Variants in NBEAL1 observed in about 807,000 individuals in gnomAD.
The protein encoded by NBEAL1 is neurobeachin-like protein 1.
Under a neutral mutation model 351.3 loss-of-function variants are expected in NBEAL1, and 273 were observed. That is an observed-to-expected ratio of 0.78 (90% CI 0.70 to 0.86). The LOEUF is 0.86. Among genes scored for constraint, NBEAL1 ranks in the 40% least tolerant of loss-of-function variants. NBEAL1 has a pLI of 0.00. For synonymous variants in NBEAL1, 1,050 were observed against 1,086.4 expected, an observed-to-expected ratio of 0.97 and a Z score of 0.66; for missense variants, 2,961 against 3,201.3, an observed-to-expected ratio of 0.92 and a Z score of 1.81.
intron 46 of NBEAL1, among the ~76,000 whole-genome samples, chr2:203,192,152 A>G (rs532122838): frequency 2.0e-5 from 3 of 152,292 alleles, no homozygotes; most frequent in South Asian, 4.1e-4. Context: ...CAGAATAGTC[A>G]TATGTGAAGT....
Position 203,079,966 on chromosome 2 carries a change from G to A in NBEAL1, c.684+2129G>A, listed in dbSNP as rs2061844204. ...TAATGTATTTATCATTTCTTAGTCT[G>A]TTTGGAGATTTGAGAGAGTGTAATC... On this transcript the variant is annotated intron_variant, in intron 8 of 55. Coordinates refer to ENST00000683969, the MANE Select transcript of NBEAL1 (RefSeq NM_001378026.1). 2.6e-5 allele frequency among the ~76,000 whole-genome samples: 4 copies of A among 152,238 alleles called. No homozygotes were observed. The South Asian group carries it at 8.3e-4, about 32-fold the overall frequency.
In NBEAL1 at chr2:203,173,041, C is replaced by T. The variant is rs1481178833; in HGVS notation, c.6323+188C>T. ...TTGCCTTTCAGAAATCTTGACTATACTTGTGTTGATTTCCCTTCATCACCA... is the reference window on the plus strand; with the variant it reads ...TTGCCTTTCAGAAATCTTGACTATATTTGTGTTGATTTCCCTTCATCACCA... On this transcript the variant is annotated intron_variant, in intron 41 of 55. Coordinates refer to ENST00000683969, the MANE Select transcript of NBEAL1 (RefSeq NM_001378026.1). 2.6e-5 allele frequency among the ~76,000 whole-genome samples: 4 copies of T among 152,054 alleles called. No homozygotes were observed. The East Asian group carries it at 7.7e-4, about 29-fold the overall frequency.
intron 6 of NBEAL1, among the ~76,000 whole-genome samples, chr2:203,067,537 G>A (rs923291383): frequency 1.3e-5 from 2 of 152,190 alleles, no homozygotes; most frequent in Non-Finnish European, 2.9e-5. Flanking sequence ...AATTTCAATA[G>A]CTCAATTATG....
At chr2:203,163,279 TAGAATACAC>T (rs1432569084) in intron 36 of NBEAL1, among the ~76,000 whole-genome samples, 1 of 152,240 alleles carries the variant, frequency 6.6e-6, no homozygotes, top group East Asian at 1.9e-4. Context: ...TAGTCAAGCC[TAGAATACAC>T]AGAAAGTGCT....
At chr2:203,051,745 T>A (rs1432599802) in intron 4 of NBEAL1, among the ~76,000 whole-genome samples, 1 of 152,162 alleles carries the variant, frequency 6.6e-6, no homozygotes, top group Non-Finnish European at 1.5e-5. Context: ...ACAAATTTTT[T>A]GGTTGAAAAA....
chr2:203,068,741 T>C (rs2061634176), intron 7 of NBEAL1, among the ~76,000 whole-genome samples: 1 of 152,214 alleles, frequency 6.6e-6, no homozygotes, highest in African/African-American at 2.4e-5. Context: ...TTATTTACTT[T>C]TTTTTGAGAC....
At chr2:203,050,164 A>T in intron 4 of NBEAL1, 189 bp downstream of exon 4, 1 of 493,436 alleles carries the variant, frequency 2.0e-6, no homozygotes, top group Non-Finnish European at 3.6e-6. Flanking sequence ...CCACTATGGC[A>T]TGTGTATACC....
chr2:203,132,195 A>T, intron 26 of NBEAL1, 63 bp downstream of exon 26: 1 of 1,069,098 alleles, frequency 9.4e-7, no homozygotes, highest in Non-Finnish European at 1.3e-6. Flanking sequence ...AGTTTTTTTC[A>T]TACCTTTCTC....
rs148816687 is a variant in NBEAL1 at position 203,055,848 on chromosome 2, T to G, written c.306-579T>G. 4.9e-4 allele frequency among the ~76,000 whole-genome samples: 74 copies of G among 152,332 alleles called. No individual in the cohort carries two copies. The East Asian group carries it at 0.013, about 27-fold the overall frequency. ...ATTTTAGTTAAACACTAAGCACTTA[T>G]GAACCCACTGCTTTAAACAAAATAT... is the stretch of plus-strand genomic sequence containing the variant. On this transcript the variant is annotated intron_variant, in intron 4 of 55. Transcript: ENST00000683969.
At chr2:203,217,174 C>T in intron 55 of NBEAL1, 79 bp from the exon 56 acceptor site, 5 of 1,077,138 alleles carry the variant, frequency 4.6e-6, no homozygotes, top group Non-Finnish European at 6.2e-6. Flanking sequence ...TTTCACTCTG[C>T]AAAATCAGTG....
chr2:203,016,150 T>A lies in NBEAL1; in HGVS notation c.-229-6T>A, dbSNP rs1303202375. The A allele has an allele frequency of 2.8e-6, 1 of 354,178 alleles. No individual in the cohort carries two copies. Among genetic ancestry groups the A allele is most frequent in the East Asian group, 4.2e-5 (1 of 23,922 alleles). The allele number at this position is 354,178 out of a possible 1,614,324, so 21.9% of individuals were successfully genotyped here. A position where few individuals can be genotyped will look rare whatever the true frequency, so the allele number is the denominator to read the frequency against. On this transcript the variant is annotated splice_region_variant and splice_polypyrimidine_tract_variant and intron_variant, in intron 1 of 55. Transcript: ENST00000683969. ...TCTAACCTGTGGATGTTTTTCTCTTTCACAGATTTATTTAATTGCCCAACT... is the reference window on the plus strand; with the variant it reads ...TCTAACCTGTGGATGTTTTTCTCTTACACAGATTTATTTAATTGCCCAACT...
chr2:203,165,284 A>G lies in NBEAL1; in HGVS notation c.5715-865A>G, dbSNP rs994262232. Among the ~76,000 whole-genome samples, 5 of 152,352 alleles carry G rather than the reference A, an allele frequency of 3.3e-5. No homozygotes were observed. In the East Asian group the frequency reaches 9.6e-4, roughly 29 times the overall value. The stretch of plus-strand genomic sequence containing the variant: ...CCTAATATATGGTGACTTCACTTTA[A>G]GTAAGGTATGGCAATAGTAGCTCTT... On this transcript the variant is annotated intron_variant, in intron 36 of 55. Transcript: ENST00000683969.
At chr2:203,081,711 A>G (rs1460157386) in intron 8 of NBEAL1, among the ~76,000 whole-genome samples, 1 of 152,248 alleles carries the variant, frequency 6.6e-6, no homozygotes, top group Non-Finnish European at 1.5e-5. Flanking sequence ...GCTGCAAGAT[A>G]GCTTCTAGAG....
intron 47 of NBEAL1, among the ~76,000 whole-genome samples, chr2:203,196,217 C>T (rs1372733193): frequency 6.6e-6 from 1 of 152,136 alleles, no homozygotes; most frequent in African/African-American, 2.4e-5. Flanking sequence ...TAGTACATTC[C>T]AAGTTCCATC....
chr2:203,119,709 A>T (rs988152249), intron 18 of NBEAL1, among the ~76,000 whole-genome samples: 1 of 152,058 alleles, frequency 6.6e-6, no homozygotes, highest in Admixed American at 6.6e-5. Context: ...TACAGGTGTG[A>T]GCCACCGTGC....
At chr2:203,057,930 G>A (rs1177960545) in intron 6 of NBEAL1, among the ~76,000 whole-genome samples, 6 of 149,830 alleles carry the variant, frequency 4.0e-5, no homozygotes, top group Non-Finnish European at 7.4e-5. Context: ...TGCAACCTTC[G>A]CCTCCCAGGT....
chr2:203,098,768 T>G (rs1237730955), intron 11 of NBEAL1, among the ~76,000 whole-genome samples: 1 of 152,190 alleles, frequency 6.6e-6, no homozygotes, highest in Non-Finnish European at 1.5e-5. Flanking sequence ...TATTTCATTT[T>G]CTGTGTCTGC....
intron 6 of NBEAL1, chr2:203,061,307 A>G (rs371272640): frequency 9.2e-5 from 14 of 152,216 alleles, no homozygotes; most frequent in Admixed American, 4.6e-4. Flanking sequence ...ATGTTTTCCA[A>G]TATTCCTCAC....
At chr2:203,042,838 G>A (rs575199877) in intron 3 of NBEAL1, among the ~76,000 whole-genome samples, 2 of 152,084 alleles carry the variant, frequency 1.3e-5, no homozygotes, top group East Asian at 1.9e-4. Flanking sequence ...CACCTGCCTC[G>A]GACTCCCAAA....
Sources: gnomAD v4.1 joint callset for allele counts (sites outside exome capture counted in the v4.1 genomes callset) on GRCh38, gnomAD v4.1.1 for gene constraint, MANE v1.5 for transcripts, NCBI Gene and HGNC (gene_info 2026-07-23, HGNC 2026-07-21) for gene names.